GATAD2A: variants seen among roughly 807,000 people sequenced by gnomAD.
The protein encoded by GATAD2A is transcriptional repressor p66-alpha.
GATAD2A carries 12 observed loss-of-function variants against 68.5 expected under a neutral mutation model. The observed-to-expected ratio is 0.18, with a 90% CI of 0.11 to 0.28. The LOEUF (loss-of-function observed/expected upper bound fraction) is 0.28. Ranked by LOEUF, GATAD2A falls within the 10% of genes least tolerant of loss-of-function variation. The probability of loss-of-function intolerance (pLI) is 1.00; values close to 1 mark genes in which losing one functional copy is unlikely to be tolerated. For synonymous variants in GATAD2A, 410 were observed against 375.3 expected (o/e 1.09, Z -1.07); for missense variants, 755 against 868.5 (o/e 0.87, Z 1.64).
At chr19:19,479,711 C>T (rs1208624084) in intron 2 of GATAD2A, among the ~76,000 whole-genome samples, 4 of 151,964 alleles carry the variant, frequency 2.6e-5, no homozygotes, top group African/African-American at 4.8e-5. Context: ...AATGAACGAT[C>T]GTTTTGGTGA....
chr19:19,429,590 C>G (rs116137466), intron 1 of GATAD2A, among the ~76,000 whole-genome samples: 1 of 151,808 alleles, frequency 6.6e-6, no homozygotes, highest in African/African-American at 2.4e-5. Context: ...GGAAGACAGC[C>G]AGTACATGCC....
chr19:19,396,144 A>G lies in GATAD2A; in HGVS notation c.-7+10006A>G, dbSNP rs2049227350. Among the ~76,000 whole-genome samples the G allele has an allele frequency of 1.3e-5, 2 of 152,090 alleles. 1 individual carries two copies. Among genetic ancestry groups the G allele is most frequent in the South Asian group, 4.1e-4 (2 of 4,820 alleles). On this transcript the variant is annotated intron_variant, in intron 1 of 11. Transcript: ENST00000360315. ...GAGACCAGCCTGGCCAACATAGTGA[A>G]ACCCTGTCTGTACTGAAAATACGAA...
intron 1 of GATAD2A, among the ~76,000 whole-genome samples, chr19:19,411,298 T>C (rs1482608441): frequency 6.6e-6 from 1 of 152,224 alleles, no homozygotes; most frequent in African/African-American, 2.4e-5. Context: ...CGATACTGAA[T>C]GCCTGGGTTG....
intron 1 of GATAD2A, among the ~76,000 whole-genome samples, chr19:19,437,979 A>C (rs1278589734): frequency 6.6e-6 from 1 of 152,154 alleles, no homozygotes; most frequent in Non-Finnish European, 1.5e-5. Flanking sequence ...CTTTCTGTTA[A>C]TCTCTTTTCA....
At chr19:19,426,117 G>T (rs1028756116) in intron 1 of GATAD2A, among the ~76,000 whole-genome samples, 8 of 152,038 alleles carry the variant, frequency 5.3e-5, no homozygotes, top group African/African-American at 1.9e-4. Flanking sequence ...TCTTTTTAAT[G>T]ATGTTAATTA....
intron 1 of GATAD2A, among the ~76,000 whole-genome samples, chr19:19,464,493 G>A (rs544742113): frequency 3.3e-5 from 5 of 152,256 alleles, no homozygotes; most frequent in Admixed American, 2.0e-4. Flanking sequence ...CTGTGCTGTC[G>A]TCCTGTCTCC....
In GATAD2A at chr19:19,486,267, G is replaced by C. The variant is rs183226794; in HGVS notation, c.270-6039G>C. Among the ~76,000 whole-genome samples the C allele has an allele frequency of 2.1e-3, 316 of 152,376 alleles. 1 individual carries two copies. Among genetic ancestry groups the C allele is most frequent in the African/African-American group, 7.4e-3 (307 of 41,594 alleles). The stretch of plus-strand genomic sequence containing the variant: ...TTCAGGTTTGCCATTGCTTCCATCT[G>C]GGAGCTGCAAGGCGAAGGCACGGGC... On this transcript the variant is annotated intron_variant, in intron 2 of 11. Transcript: ENST00000683918.
intron 7 of GATAD2A, among the ~76,000 whole-genome samples, chr19:19,496,817 C>T (rs1265193793): frequency 6.6e-6 from 1 of 152,208 alleles, no homozygotes; most frequent in Non-Finnish European, 1.5e-5. Context: ...GGCGCCTTGG[C>T]TGACAGATAA....
Position 19,465,522 on chromosome 19 carries a change from A to T in GATAD2A, c.177A>T (p.Gly59=). Residue 59 remains glycine, a synonymous_variant, in exon 2 of 12, where the codon GGA becomes GGT. Transcript: ENST00000683918. ...TPEPGAGPTQ[G]LLRATEATAM... The stretch of plus-strand genomic sequence containing the variant: ...AGCCGGGAGCAGGTCCAACCCAAGG[A>T]TTGCTGAGGGCAACAGAGGCCACGG... The T allele has an allele frequency of 6.2e-7, 1 of 1,614,006 alleles. No homozygotes were observed. The highest frequency in any genetic ancestry group is 8.5e-7 in the Non-Finnish European group (1 of 1,179,868).
chr19:19,425,421 A>G (rs1412483871), intron 1 of GATAD2A, among the ~76,000 whole-genome samples: 1 of 152,128 alleles, frequency 6.6e-6, no homozygotes, highest in African/African-American at 2.4e-5. Flanking sequence ...CTTTGTGGTC[A>G]CAGGTCACAC....
chr19:19,485,901 G>A (rs965251041), intron 2 of GATAD2A, among the ~76,000 whole-genome samples: 1 of 152,180 alleles, frequency 6.6e-6, no homozygotes, highest in Admixed American at 6.5e-5. Flanking sequence ...AAAGACGCAC[G>A]ATGACACACA....
At chr19:19,453,675 T>TG (rs1568299935) in intron 1 of GATAD2A, among the ~76,000 whole-genome samples, 2 of 141,908 alleles carry the variant, frequency 1.4e-5, no homozygotes, top group Non-Finnish European at 3.1e-5. Flanking sequence ...TTTAATTTTT[T>TG]TAAAATTTTT....
intron 1 of GATAD2A, among the ~76,000 whole-genome samples, chr19:19,462,981 C>T (rs2057570213): frequency 6.6e-6 from 1 of 152,126 alleles, no homozygotes; most frequent in South Asian, 2.1e-4. Context: ...TTCTTTGAGT[C>T]ACAGGGAAGG....
chr19:19,431,413 C>T (rs969206216), intron 1 of GATAD2A, among the ~76,000 whole-genome samples: 3 of 151,134 alleles, frequency 2.0e-5, no homozygotes, highest in African/African-American at 4.9e-5. Flanking sequence ...ATTTATTAAG[C>T]GGCTGGGCGC....
intron 1 of GATAD2A, among the ~76,000 whole-genome samples, chr19:19,443,937 A>G (rs913237321): frequency 6.6e-6 from 1 of 152,020 alleles, no homozygotes. Flanking sequence ...AGCCCACCAG[A>G]CAGCCTCTCT....
chr19:19,403,444 C>T (rs746888083), upstream of GATAD2A, among the ~76,000 whole-genome samples: 6 of 152,128 alleles, frequency 3.9e-5, no homozygotes, highest in Admixed American at 6.5e-5. Context: ...TCCTACTCCC[C>T]GTCCGACTTT....
chr19:19,485,093 A>T (rs2059345140), intron 2 of GATAD2A, among the ~76,000 whole-genome samples: 1 of 152,104 alleles, frequency 6.6e-6, no homozygotes, highest in South Asian at 2.1e-4. Flanking sequence ...GCCTCTGTGC[A>T]GGCTGCTGTT....
intron 2 of GATAD2A, among the ~76,000 whole-genome samples, chr19:19,469,456 A>G (rs2058110686): frequency 6.6e-6 from 1 of 151,870 alleles, no homozygotes; most frequent in Non-Finnish European, 1.5e-5. Flanking sequence ...AAAGATCATC[A>G]GAATTAAAGT....
At chr19:19,497,690 G>T (rs1047228948) in intron 7 of GATAD2A, among the ~76,000 whole-genome samples, 1 of 152,208 alleles carries the variant, frequency 6.6e-6, no homozygotes, top group Non-Finnish European at 1.5e-5. Flanking sequence ...GTCATTGGGT[G>T]TGTCCATTTT....
Sources: allele counts gnomAD v4.1 joint callset (sites outside exome capture counted in the v4.1 genomes callset), GRCh38; gene constraint gnomAD v4.1.1; transcripts MANE v1.5; gene names NCBI Gene and HGNC (gene_info 2026-07-23, HGNC 2026-07-21).